The following IFT43 variants were observed in gnomAD, a reference collection of about 807,000 sequenced individuals.
The protein encoded by IFT43 is intraflagellar transport 43, also known as intraflagellar transport protein 43 homolog.
In IFT43, 33 loss-of-function variants were observed where a neutral mutation model predicts 32.3. That is an observed-to-expected ratio of 1.02 (90% confidence interval 0.77 to 1.37). The LOEUF is 1.37. Among genes scored for constraint, IFT43 ranks in the 40% most tolerant of loss-of-function variants. The probability of loss-of-function intolerance (pLI) is 0.00; values close to 1 mark genes in which losing one functional copy is unlikely to be tolerated. For synonymous variants in IFT43, 93 were observed against 98.2 expected (o/e 0.95, Z 0.31); for missense variants, 274 against 265.9 (o/e 1.03, Z -0.21).
At chr14:76,026,910 A>G (rs2036407697) in intron 3 of IFT43, among the ~76,000 whole-genome samples, 1 of 152,200 alleles carries the variant, frequency 6.6e-6, no homozygotes, top group Admixed American at 6.5e-5. Flanking sequence ...CAAAAAAAAG[A>G]ACAAGATCAT....
rs180814829 is a variant in IFT43, at chr14:76,011,425, T to A, written c.148-10902T>A. ...CAGGAAGTTTTCCTGGGTGGTGTCA[T>A]GTGTTTCAAGTAGCAGCACATTACG... On this transcript the variant is annotated intron_variant, in intron 2 of 8. Transcript: ENST00000314067. 5.7e-4 allele frequency among the ~76,000 whole-genome samples: 87 copies of A among 152,350 alleles called. 1 individual carries two copies. Among genetic ancestry groups the A allele is most frequent in the African/African-American group, 1.9e-3 (79 of 41,578 alleles).
chr14:75,994,237 C>G (rs547825525), intron 2 of IFT43, among the ~76,000 whole-genome samples: 1 of 151,930 alleles, frequency 6.6e-6, no homozygotes. Flanking sequence ...ATATCTGATT[C>G]AGTGGCCTCT....
chr14:76,028,317 T>C (rs910067785), intron 3 of IFT43, among the ~76,000 whole-genome samples: 7 of 152,230 alleles, frequency 4.6e-5, no homozygotes, highest in African/African-American at 1.2e-4. Context: ...GAATCAGTTA[T>C]TATATCAGGG....
At position 75,988,870 on chromosome 14, in the gene IFT43, T is replaced by A. The variant is rs146386233; in HGVS notation, c.55-15T>A. On this transcript the variant is annotated splice_polypyrimidine_tract_variant and intron_variant, in intron 1 of 8. Coordinates refer to ENST00000314067, the MANE Select transcript of IFT43 (RefSeq NM_001102564.3). ...TGACATTTGGGTCAGCAGTGCCTTC[T>A]GTTTCTCCTTACAGAGGGCCAAGAT... is the stretch of plus-strand genomic sequence containing the variant. 4.0e-4 allele frequency: 647 copies of A among 1,613,820 alleles called. 3 individuals are homozygous for A. Among genetic ancestry groups the A allele is most frequent in the Middle Eastern group, 9.9e-4 (6 of 6,060 alleles).
At chr14:76,058,538 G>A (rs1166539355) in intron 3 of IFT43, 104 bp from the exon 4 acceptor site, 3 of 1,347,014 alleles carry the variant, frequency 2.2e-6, no homozygotes, top group East Asian at 4.6e-5. Context: ...AAGCACTTGA[G>A]ATATACTAAT....
At chr14:76,078,234 G>A (rs376575660) in intron 5 of IFT43, among the ~76,000 whole-genome samples, 29 of 152,276 alleles carry the variant, frequency 1.9e-4, no homozygotes, top group African/African-American at 6.5e-4. Flanking sequence ...TGGGTCTCAC[G>A]GAAGGGACAT....
chr14:76,039,339 T>G (rs533511300), intron 3 of IFT43, among the ~76,000 whole-genome samples: 1 of 152,262 alleles, frequency 6.6e-6, no homozygotes, highest in South Asian at 2.1e-4. Flanking sequence ...TTAAATTTTT[T>G]GTAGAGATGA....
At chr14:75,993,354 G>T (rs1422551784) in intron 2 of IFT43, among the ~76,000 whole-genome samples, 1 of 152,160 alleles carries the variant, frequency 6.6e-6, no homozygotes, top group Non-Finnish European at 1.5e-5. Flanking sequence ...GAGAATGCTG[G>T]GTTGACATTC....
chr14:75,994,244 CTCT>C (rs1885505830), intron 2 of IFT43, among the ~76,000 whole-genome samples: 1 of 152,042 alleles, frequency 6.6e-6, no homozygotes, highest in African/African-American at 2.4e-5. Flanking sequence ...ATTCAGTGGC[CTCT>C]TCTTGATCTT....
intron 3 of IFT43, among the ~76,000 whole-genome samples, chr14:76,055,013 C>T (rs1490508905): frequency 6.6e-6 from 1 of 152,184 alleles, no homozygotes; most frequent in African/African-American, 2.4e-5. Flanking sequence ...TGTTTGTTTG[C>T]TTGCTTGTTT....
intron 2 of IFT43, among the ~76,000 whole-genome samples, chr14:75,995,856 C>T (rs1190746165): frequency 6.6e-6 from 1 of 152,156 alleles, no homozygotes; most frequent in East Asian, 1.9e-4. Context: ...GTGTTTTCCA[C>T]ACTTCATATT....
Position 76,082,360 on chromosome 14 carries a change from C to T in IFT43, c.361C>T (p.Pro121Ser), listed in dbSNP as rs1359937590. Residue 121 changes from proline (P) to serine (S), a missense_variant, in exon 6 of 9, where the codon CCT (proline) becomes TCT (serine). By Grantham distance (74) the Pro-to-Ser change is moderately conservative (BLOSUM62 -1). Transcript: ENST00000314067. ...AGACTTTGTTTTGCAGGTGGCAGCC[C>T]CTCCCAGGTAGGTTAAATCAGATAT... Reference protein sequence around the residue: ...EEDFVLQVAAPPSIQIKRVMT... With the variant: ...EEDFVLQVAASPSIQIKRVMT... 3.7e-6 allele frequency: 6 copies of T among 1,601,994 alleles called. No homozygotes were observed. Among genetic ancestry groups the T allele is most frequent in the Non-Finnish European group, 5.1e-6 (6 of 1,169,026 alleles).
chr14:75,989,280 C>A (rs995504527), intron 2 of IFT43, among the ~76,000 whole-genome samples: 3 of 151,392 alleles, frequency 2.0e-5, no homozygotes, highest in Non-Finnish European at 4.4e-5. Context: ...TTTTTATTTC[C>A]GCTGAATAAA....
intron 4 of IFT43, 35 bp downstream of exon 4, chr14:76,058,709 T>G (rs776724886): frequency 1.2e-6 from 2 of 1,610,876 alleles, no homozygotes; most frequent in East Asian, 4.5e-5. Context: ...TATGGTATCC[T>G]ATGTTGATCT....
In IFT43 at chr14:75,999,260, TATATATATATATGTATATA is replaced by T. The variant is rs1261629071; in HGVS notation, c.147+10284_147+10302del. ...ATATATATATATATATATATATATA[TATATATATATATGTATATA>T]TATTTTTTTTTTTTTTTTTTTAATT... On this transcript the variant is annotated intron_variant, in intron 2 of 8. Coordinates refer to ENST00000314067, the MANE Select transcript of IFT43 (RefSeq NM_001102564.3). Among the ~76,000 whole-genome samples, 42 of 19,746 alleles carry T rather than the reference TATATATATATATGTATATA, an allele frequency of 2.1e-3. 1 individual carries two copies. The highest frequency in any genetic ancestry group is 7.7e-3 in the African/African-American group (27 of 3,524). 13.0% of individuals were successfully genotyped at this position (19,746 alleles called of 152,430 possible).
At chr14:76,024,602 A>G (rs1035642642) in intron 3 of IFT43, among the ~76,000 whole-genome samples, 46 of 152,254 alleles carry the variant, frequency 3.0e-4, no homozygotes, top group Admixed American at 6.5e-5. Context: ...TGTTGCTGCA[A>G]TTAAGTTATG....
Position 76,083,532 on chromosome 14 carries a change from G to A in IFT43, c.582G>A (p.Leu194=). The change falls in exon 9 of 9, where the codon CTG becomes CTA. Residue 194 remains leucine (L), a synonymous_variant. Transcript: ENST00000314067. The stretch of plus-strand genomic sequence containing the variant: ...AGGTCCTCACTGAGTGGGACCCACT[G>A]CAGACGGAGAAGGAGGACCCTGCGG... ...SSEVLTEWDP[L]QTEKEDPAGQ... The A allele has an allele frequency of 6.2e-7, 1 of 1,614,138 alleles. No individual in the cohort carries two copies. The highest frequency in any genetic ancestry group is 8.5e-7 in the Non-Finnish European group (1 of 1,180,006).
intron 2 of IFT43, among the ~76,000 whole-genome samples, chr14:76,000,063 C>T (rs1301368201): frequency 6.6e-6 from 1 of 152,196 alleles, no homozygotes. Flanking sequence ...CATTCCCAAA[C>T]TTCAGGCGTT....
In IFT43 at chr14:76,022,370, C is replaced by G. The variant is rs760748118; in HGVS notation, c.191C>G (p.Ala64Gly). 2 of 1,611,624 alleles carry G rather than the reference C, an allele frequency of 1.2e-6. No homozygotes were observed. Among genetic ancestry groups the G allele is most frequent in the East Asian group, 4.5e-5 (2 of 44,854 alleles). ...KLPRCRQGGW[A>G]GDSVKASKFR... is the part of the protein sequence containing the mutation. ...CCTCGCTGCCGACAGGGAGGCTGGGCAGGTGATTCCGTGAAGGCTTCGAAG... is the reference window on the plus strand; with the variant it reads ...CCTCGCTGCCGACAGGGAGGCTGGGGAGGTGATTCCGTGAAGGCTTCGAAG... Residue 64 changes from alanine to glycine, a missense_variant, in exon 3 of 9, where the codon GCA becomes GGA. By Grantham distance (60) the Ala-to-Gly change is moderately conservative. Transcript: ENST00000314067.
Sources: gnomAD v4.1 joint callset for allele counts (sites outside exome capture counted in the v4.1 genomes callset) on GRCh38, gnomAD v4.1.1 for gene constraint, MANE v1.5 for transcripts, NCBI Gene and HGNC (gene_info 2026-07-23, HGNC 2026-07-21) for gene names.